Variants in KTN1 observed in about 807,000 individuals in gnomAD.
KTN1 encodes the protein kinectin 1, also known as kinectin.
In KTN1, 130 loss-of-function variants were observed where a neutral mutation model predicts 222.5. The ratio of observed to expected loss-of-function variants is 0.58; its 90% CI spans 0.51 to 0.68. The LOEUF (loss-of-function observed/expected upper bound fraction) is 0.68. Among genes scored for constraint, KTN1 ranks in the 30% least tolerant of loss-of-function variants. The probability of loss-of-function intolerance (pLI) is 0.00; values close to 1 mark genes in which losing one functional copy is unlikely to be tolerated. For missense variants in KTN1, 1,508 were observed against 1,500.4 expected, an observed-to-expected ratio of 1.01 and a Z score of -0.08; for synonymous variants, 512 against 496.3, an observed-to-expected ratio of 1.03 and a Z score of -0.42.
chr14:55,617,832 G>T, intron 3 of KTN1, 132 bp from the exon 4 acceptor site: 1 of 635,464 alleles, frequency 1.6e-6, no homozygotes. Context: ...TGACGAAATA[G>T]GAATTTAAAA....
chr14:55,660,545 C>T (rs1187672053), intron 31 of KTN1, among the ~76,000 whole-genome samples: 1 of 151,980 alleles, frequency 6.6e-6, no homozygotes, highest in South Asian at 2.1e-4. Flanking sequence ...TGTAAGTGAT[C>T]TATCATTGGG....
chr14:55,580,845 C>T (rs80109408), intron 1 of KTN1, among the ~76,000 whole-genome samples: 1 of 152,146 alleles, frequency 6.6e-6, no homozygotes, highest in Non-Finnish European at 1.5e-5. Context: ...GCCACACTTA[C>T]GCCATGCTGG....
chr14:55,671,730 T>G (rs755076426), intron 36 of KTN1, 55 bp from the exon 37 acceptor site: 6 of 1,531,784 alleles, frequency 3.9e-6, no homozygotes, highest in Non-Finnish European at 5.4e-6. Flanking sequence ...CCTAAATAGT[T>G]TTATCTTGGC....
intron 32 of KTN1, among the ~76,000 whole-genome samples, chr14:55,662,389 T>G (rs2044247396): frequency 6.6e-6 from 1 of 152,004 alleles, no homozygotes; most frequent in Admixed American, 6.6e-5. Context: ...CATTTTTAAC[T>G]GAGAGGTGGT....
intron 20 of KTN1, 31 bp downstream of exon 20, chr14:55,648,146 T>G (rs201246992): frequency 3.0e-5 from 36 of 1,186,962 alleles, no homozygotes; most frequent in Non-Finnish European, 3.9e-5. Context: ...GTTTTCCTTG[T>G]GATTATTCAG....
At chr14:55,670,159 A>C (rs1426482531) in intron 34 of KTN1, among the ~76,000 whole-genome samples, 3 of 152,056 alleles carry the variant, frequency 2.0e-5, no homozygotes, top group African/African-American at 7.2e-5. Context: ...TATGCATATC[A>C]CTTCTCATTA....
chr14:55,623,236 A>G lies in KTN1; in HGVS notation c.963+3924A>G, dbSNP rs568600253. ...CAGTGCATTTTATAAATCTGTGGCA[A>G]TTTTACAATGTAGTATGCTTGTTAG... On this transcript the variant is annotated intron_variant, in intron 5 of 43. Coordinates refer to ENST00000395314, the MANE Select transcript of KTN1 (RefSeq NM_001079521.2). Among the ~76,000 whole-genome samples, 33 of 152,352 alleles carry G rather than the reference A, an allele frequency of 2.2e-4. No homozygotes were observed. In the East Asian group the frequency reaches 5.0e-3, roughly 23 times the overall value.
intron 22 of KTN1, 44 bp downstream of exon 22, chr14:55,649,857 C>A (rs2042761885): frequency 8.4e-7 from 1 of 1,190,290 alleles, no homozygotes. Context: ...TTCTTTGGTC[C>A]ATTTTTTTTT....
chr14:55,581,364 C>T (rs2031566893), intron 1 of KTN1, among the ~76,000 whole-genome samples: 2 of 152,224 alleles, frequency 1.3e-5, no homozygotes, highest in Non-Finnish European at 2.9e-5. Flanking sequence ...AAATTCAGAA[C>T]TGTGTTGGCA....
At chr14:55,672,832 T>C (rs879574758) in intron 38 of KTN1, 97 bp from the exon 39 acceptor site, 10 of 1,090,554 alleles carry the variant, frequency 9.2e-6, no homozygotes, top group Admixed American at 5.5e-5. Context: ...TGAGTTGATA[T>C]AGTTTTATAT....
rs1294704827 is a variant in KTN1, at chr14:55,671,896, C to G, written c.3531+19C>G. Reference sequence around the variant, plus strand: ...TAAACAGGTATTTACAAAAGAAAAGCTTAGAGCAGTGGTTCTCGATGTGTG... The same window carrying G: ...TAAACAGGTATTTACAAAAGAAAAGGTTAGAGCAGTGGTTCTCGATGTGTG... On this transcript the variant is annotated intron_variant, in intron 37 of 43. Transcript: ENST00000395314. 7.1e-7 allele frequency: 1 copy of G among 1,404,500 alleles called. No homozygotes were observed. 87.0% of individuals were successfully genotyped at this position (1,404,500 alleles called of 1,614,324 possible). A position where few individuals can be genotyped will look rare whatever the true frequency, so the allele number is the denominator to read the frequency against.
intron 1 of KTN1, among the ~76,000 whole-genome samples, chr14:55,581,442 GGT>G (rs369432241): frequency 1.9e-4 from 28 of 150,718 alleles, no homozygotes; most frequent in African/African-American, 1.9e-4. Context: ...TAACTGTTAA[GGT>G]GTGTGTGTGT....
At position 55,653,039 on chromosome 14, in the gene KTN1, C is replaced by G; in HGVS notation, c.2717C>G (p.Ser906Cys). The G allele has an allele frequency of 6.2e-7, 1 of 1,604,622 alleles. No homozygotes were observed. Among genetic ancestry groups the G allele is most frequent in the South Asian group, 1.1e-5 (1 of 90,646 alleles). ...AAGGATCTTCAAGAAGAAAATGAAT[C>G]TTTAAAAGCACATGTTCAGGAAGTA... ...WLQDLQEENE[S>C]LKAHVQEVAQ... The change falls in exon 27 of 44, where the codon TCT (serine) becomes TGT (cysteine). Residue 906 changes from serine (S) to cysteine (C), a missense_variant. Transcript: ENST00000395314.
At chr14:55,641,068 A>T (rs1440022334) in intron 16 of KTN1, 59 bp from the exon 17 acceptor site, 1 of 1,480,182 alleles carries the variant, frequency 6.8e-7, no homozygotes, top group Non-Finnish European at 9.3e-7. Context: ...TTGTGCCCAT[A>T]ATTCTTGTAG....
chr14:55,613,530 C>G (rs1036909857), intron 2 of KTN1, among the ~76,000 whole-genome samples: 10 of 142,736 alleles, frequency 7.0e-5, no homozygotes, highest in Non-Finnish European at 1.5e-4. Context: ...GTCTCACACT[C>G]TCACCCAGGC....
intron 3 of KTN1, among the ~76,000 whole-genome samples, chr14:55,616,889 G>A (rs1358866770): frequency 1.3e-5 from 2 of 152,128 alleles, no homozygotes; most frequent in Admixed American, 6.5e-5. Context: ...AAAGGGCAAA[G>A]CATTTATAAA....
intron 1 of KTN1, among the ~76,000 whole-genome samples, chr14:55,596,971 A>G (rs2035153927): frequency 1.3e-5 from 2 of 152,160 alleles, no homozygotes; most frequent in South Asian, 2.1e-4. Flanking sequence ...GGTGAAGTCC[A>G]TATCATGATA....
Position 55,597,851 on chromosome 14 carries a change from C to CA in KTN1, c.-30-14157dup, listed in dbSNP as rs141909721. Among the ~76,000 whole-genome samples, 379 of 140,014 alleles carry CA rather than the reference C, an allele frequency of 2.7e-3. 1 individual carries two copies. The highest frequency in any genetic ancestry group is 4.5e-3 in the African/African-American group (170 of 37,848). The allele number at this position is 140,014 out of a possible 152,430, so 91.9% of individuals were successfully genotyped here. A position where few individuals can be genotyped will look rare whatever the true frequency, so the allele number is the denominator to read the frequency against. On this transcript the variant is annotated intron_variant, in intron 1 of 43. Transcript: ENST00000395314. ...TCTAGGCGACAGTCAGACCCTATCT[C>CA]AAAAAAAAAAAGTAGAAATGTAGGT...
chr14:55,612,084 T>TA lies in KTN1; in HGVS notation c.37dup (p.Ile13AsnfsTer23). On this transcript the variant is annotated frameshift_variant, in exon 2 of 44. Transcript: ENST00000395314. LOFTEE classifies it high-confidence loss of function. ...ATGAGTCAGCATATTTTATTGTTCT[T>TA]ATTCCTTCAATAGTTATTACAGTAA... 1 of 1,523,900 alleles carries TA rather than the reference T, an allele frequency of 6.6e-7. No individual in the cohort carries two copies. Among genetic ancestry groups the TA allele is most frequent in the Non-Finnish European group, 8.7e-7 (1 of 1,142,970 alleles). The allele number at this position is 1,523,900 out of a possible 1,614,324, so 94.4% of individuals were successfully genotyped here.
Sources: gnomAD v4.1 joint callset for allele counts (sites outside exome capture counted in the v4.1 genomes callset) on GRCh38, gnomAD v4.1.1 for gene constraint, MANE v1.5 for transcripts, NCBI Gene and HGNC (gene_info 2026-07-23, HGNC 2026-07-21) for gene names.